PTPRD: variants seen among roughly 807,000 people sequenced by gnomAD.
PTPRD encodes the protein receptor-type tyrosine-protein phosphatase delta.
In PTPRD, 34 loss-of-function variants were observed where a neutral mutation model predicts 214.5. The ratio of observed to expected loss-of-function variants is 0.16; its 90% CI spans 0.12 to 0.21. The LOEUF is 0.21. PTPRD is among the 10% of genes least tolerant of loss of function. The probability of loss-of-function intolerance (pLI) is 1.00; values close to 1 mark genes in which losing one functional copy is unlikely to be tolerated. For missense variants in PTPRD, 2,545 were observed against 2,398.7 expected, an observed-to-expected ratio of 1.06 and a Z score of -1.27; for synonymous variants, 1,128 against 845.7, an observed-to-expected ratio of 1.33 and a Z score of -5.79.
At chr9:9,717,367 GT>G (rs1308098247) in intron 7 of PTPRD, among the ~76,000 whole-genome samples, 1 of 152,148 alleles carries the variant, frequency 6.6e-6, no homozygotes, top group African/African-American at 2.4e-5. Context: ...CTTTAAAGTA[GT>G]TTTTTCCAAT....
At chr9:8,994,673 G>A (rs1446253793) in intron 11 of PTPRD, among the ~76,000 whole-genome samples, 1 of 151,906 alleles carries the variant, frequency 6.6e-6, no homozygotes, top group Non-Finnish European at 1.5e-5. Flanking sequence ...GGGGGGTGTT[G>A]TTTGTTTTTG....
At chr9:9,990,075 G>A (rs1197497703) in intron 4 of PTPRD, among the ~76,000 whole-genome samples, 1 of 152,152 alleles carries the variant, frequency 6.6e-6, no homozygotes, top group East Asian at 1.9e-4. Context: ...TTTCCTCTGA[G>A]CTATGCCACT....
intron 9 of PTPRD, among the ~76,000 whole-genome samples, chr9:9,368,068 T>C (rs977958526): frequency 6.6e-6 from 1 of 151,776 alleles, no homozygotes; most frequent in Non-Finnish European, 1.5e-5. Context: ...CTACTCAATA[T>C]GGATCCCATT....
At chr9:9,044,918 A>C (rs2099667431) in intron 10 of PTPRD, among the ~76,000 whole-genome samples, 1 of 152,224 alleles carries the variant, frequency 6.6e-6, no homozygotes, top group African/African-American at 2.4e-5. Context: ...AGCACTAGTC[A>C]GGCCATTTGC....
At chr9:8,778,814 A>G (rs1041433377) in intron 11 of PTPRD, among the ~76,000 whole-genome samples, 1 of 152,192 alleles carries the variant, frequency 6.6e-6, no homozygotes, top group African/African-American at 2.4e-5. Flanking sequence ...TAAAAATGGA[A>G]ATAATATCAT....
intron 9 of PTPRD, among the ~76,000 whole-genome samples, chr9:9,364,977 G>C (rs2057447053): frequency 6.6e-5 from 10 of 151,420 alleles, no homozygotes. Flanking sequence ...TAGGTACATT[G>C]AGATTGTACA....
intron 11 of PTPRD, among the ~76,000 whole-genome samples, chr9:9,016,169 C>T (rs189777601): frequency 3.2e-4 from 48 of 152,220 alleles, no homozygotes; most frequent in African/African-American, 1.1e-3. Flanking sequence ...CCTTGGGAAG[C>T]GAAATTGCTT....
intron 2 of PTPRD, among the ~76,000 whole-genome samples, chr9:10,560,255 G>T (rs1293130333): frequency 6.6e-6 from 1 of 152,140 alleles, no homozygotes; most frequent in Non-Finnish European, 1.5e-5. Flanking sequence ...CATGTCCTTT[G>T]TAGGGACATG....
At chr9:9,322,344 C>G (rs1046133583) in intron 9 of PTPRD, among the ~76,000 whole-genome samples, 1 of 152,090 alleles carries the variant, frequency 6.6e-6, no homozygotes, top group African/African-American at 2.4e-5. Context: ...TATTGTCATA[C>G]ATAATTCACA....
At chr9:9,660,470 A>C (rs1268657019) in intron 7 of PTPRD, among the ~76,000 whole-genome samples, 1 of 151,934 alleles carries the variant, frequency 6.6e-6, no homozygotes, top group African/African-American at 2.4e-5. Context: ...AATATAGTTT[A>C]ATAGATAATA....
rs1596808792 is a variant in PTPRD at position 8,681,240 on chromosome 9, T to G, written c.65-44396A>C. Among the ~76,000 whole-genome samples the G allele has an allele frequency of 5.3e-5, 8 of 152,310 alleles. No homozygotes were observed. The South Asian group carries it at 1.7e-3, about 32-fold the overall frequency. On this transcript the variant is annotated intron_variant, in intron 12 of 45. Transcript: ENST00000381196. The stretch of plus-strand genomic sequence containing the variant: ...TTAGATGTTAGAAATCAGTTTTTAG[T>G]TAATGGTAAAGTCCGTATAACCAAA...
chr9:9,180,166 T>C (rs2099927353), intron 10 of PTPRD, among the ~76,000 whole-genome samples: 2 of 151,572 alleles, frequency 1.3e-5, no homozygotes, highest in Non-Finnish European at 2.9e-5. Flanking sequence ...ATTGCGGCAC[T>C]ATTCACAATA....
At chr9:9,240,663 G>C (rs1039129341) in intron 9 of PTPRD, among the ~76,000 whole-genome samples, 1 of 152,106 alleles carries the variant, frequency 6.6e-6, no homozygotes, top group East Asian at 1.9e-4. Context: ...AAGCATTGTT[G>C]AACAGTAAGT....
intron 10 of PTPRD, among the ~76,000 whole-genome samples, chr9:9,041,134 T>G (rs1477953000): frequency 6.6e-6 from 1 of 152,200 alleles, no homozygotes; most frequent in African/African-American, 2.4e-5. Context: ...AGATAGAACT[T>G]TAACAAAAAT....
chr9:9,467,421 T>C (rs1425324464), intron 8 of PTPRD, among the ~76,000 whole-genome samples: 1 of 150,864 alleles, frequency 6.6e-6, no homozygotes, highest in African/African-American at 2.4e-5. Context: ...AATCTGTCTC[T>C]ACTAAAAATT....
At chr9:9,108,164 T>G (rs2099801264) in intron 10 of PTPRD, among the ~76,000 whole-genome samples, 1 of 152,206 alleles carries the variant, frequency 6.6e-6, no homozygotes, top group South Asian at 2.1e-4. Context: ...GTTACAGTTT[T>G]TCCTGTAAAA....
chr9:8,518,250 C>A lies in PTPRD; in HGVS notation c.1141G>T (p.Ala381Ser), dbSNP rs2097821972. 4 of 1,614,138 alleles carry A rather than the reference C, an allele frequency of 2.5e-6. No individual in the cohort carries two copies. The highest frequency in any genetic ancestry group is 3.4e-6 in the Non-Finnish European group (4 of 1,180,004). ...DGVATTRYSV[A>S]GLSPYSDYEF... ...TAATCCGAGTAGGGACTTAGTCCAG[C>A]GACACTGTAGCGTGTGGTCGCCACC... is the stretch of plus-strand genomic sequence containing the variant. Residue 381 changes from alanine (A) to serine (S), a missense_variant, in exon 21 of 46, where the codon GCT (alanine) becomes TCT (serine). Physicochemically the swap from Ala to Ser is moderately conservative, Grantham distance 99. Coordinates refer to ENST00000381196, the MANE Select transcript of PTPRD (RefSeq NM_002839.4).
intron 3 of PTPRD, among the ~76,000 whole-genome samples, chr9:10,300,761 C>T (rs2095838376): frequency 6.6e-6 from 1 of 152,118 alleles, no homozygotes; most frequent in Non-Finnish European, 1.5e-5. Context: ...GGCAGCAGCC[C>T]AGGTGAGGGA....
At chr9:10,365,203 G>T (rs1027687803) in intron 2 of PTPRD, among the ~76,000 whole-genome samples, 1 of 152,066 alleles carries the variant, frequency 6.6e-6, no homozygotes, top group East Asian at 1.9e-4. Context: ...CCTCAGACAG[G>T]CTTTTTAAAA....
Sources: allele counts gnomAD v4.1 joint callset (sites outside exome capture counted in the v4.1 genomes callset), GRCh38; gene constraint gnomAD v4.1.1; transcripts MANE v1.5; gene names NCBI Gene and HGNC (gene_info 2026-07-23, HGNC 2026-07-21).